The following JAK1 variants were observed in gnomAD, a reference collection of about 807,000 sequenced individuals.
JAK1 encodes Janus kinase 1, also known as tyrosine-protein kinase JAK1.
In JAK1, 16 loss-of-function variants were observed where a neutral mutation model predicts 136.6. That is an observed-to-expected ratio of 0.12 (90% confidence interval 0.08 to 0.18). JAK1 has a LOEUF of 0.18. JAK1 is among the 10% of genes least tolerant of loss of function. The pLI is 1.00. For missense variants in JAK1, 859 were observed against 1,450.1 expected (o/e 0.59, Z 6.62); for synonymous variants, 492 against 519.5 (o/e 0.95, Z 0.72).
chr1:64,851,160 G>T (rs1655567457), intron 11 of JAK1, among the ~76,000 whole-genome samples: 2 of 152,202 alleles, frequency 1.3e-5, no homozygotes, highest in African/African-American at 2.4e-5. Flanking sequence ...TAAAGAACAG[G>T]TGTGTGGTGC....
intron 2 of JAK1, chr1:64,991,499 T>A (rs1204048935): frequency 6.6e-6 from 1 of 152,246 alleles, no homozygotes; most frequent in Non-Finnish European, 1.5e-5. Flanking sequence ...CATTTAAATC[T>A]AATTGTCTCA....
chr1:64,986,107 TTG>T, intron 2 of JAK1: 7 of 836,146 alleles, frequency 8.4e-6, no homozygotes, highest in East Asian at 3.3e-5. Flanking sequence ...CTCAATCTAA[TTG>T]TTTTTTTTTT....
chr1:65,058,606 T>C, intron 1 of JAK1: 1 of 467,740 alleles, frequency 2.1e-6, no homozygotes, highest in Non-Finnish European at 4.3e-6. Context: ...AAGATCACCT[T>C]CTGGTTGGAG....
In JAK1 at chr1:64,982,112, A is replaced by G. The variant is rs552239805; in HGVS notation, c.-78+62368T>C. The stretch of plus-strand genomic sequence containing the variant: ...CACACACACACACACGCACACACAC[A>G]CGCACACACACGCACACACACACAC... On this transcript the variant is annotated intron_variant, in intron 2 of 25. Coordinates refer to the JAK1 transcript ENST00000671954. Among the ~76,000 whole-genome samples, 22 of 147,376 alleles carry G rather than the reference A, an allele frequency of 1.5e-4. No individual in the cohort carries two copies. The South Asian group carries it at 4.8e-3, about 32-fold the overall frequency.
At chr1:65,000,698 T>C (rs1646747509) in intron 2 of JAK1, among the ~76,000 whole-genome samples, 2 of 152,124 alleles carry the variant, frequency 1.3e-5, no homozygotes, top group African/African-American at 4.8e-5. Flanking sequence ...TGACAAAGCA[T>C]TGTGTTCGAT....
intron 8 of JAK1, among the ~76,000 whole-genome samples, chr1:64,860,981 T>TGTGTA (rs1656294523): frequency 7.6e-6 from 1 of 131,014 alleles, no homozygotes; most frequent in Non-Finnish European, 1.6e-5. Context: ...TGTGTGTGTG[T>TGTGTA]TGGGGGTGAC....
At chr1:64,949,609 A>T (rs1442061054) in intron 1 of JAK1, among the ~76,000 whole-genome samples, 1 of 152,226 alleles carries the variant, frequency 6.6e-6, no homozygotes, top group Non-Finnish European at 1.5e-5. Context: ...CCTTTATGAT[A>T]AGGAATTATA....
chr1:65,028,244 C>T (rs1646994444), intron 2 of JAK1, among the ~76,000 whole-genome samples: 1 of 152,068 alleles, frequency 6.6e-6, no homozygotes, highest in Non-Finnish European at 1.5e-5. Context: ...AAATAGCAAT[C>T]CCCTCACAAT....
At chr1:64,936,824 C>T (rs964042150) in intron 1 of JAK1, among the ~76,000 whole-genome samples, 8 of 152,058 alleles carry the variant, frequency 5.3e-5, no homozygotes, top group African/African-American at 1.9e-4. Flanking sequence ...ACATGGTATC[C>T]CACGTTGGTG....
intron 19 of JAK1, among the ~76,000 whole-genome samples, 161 bp downstream of exon 19, chr1:64,841,084 C>A (rs1040732889): frequency 8.5e-5 from 13 of 152,260 alleles, no homozygotes; most frequent in African/African-American, 2.9e-4. Context: ...AAGACACAAT[C>A]CCTTGTGATG....
intron 2 of JAK1, chr1:64,985,296 C>T (rs1015670103): frequency 7.0e-5 from 112 of 1,609,836 alleles, no homozygotes; most frequent in Non-Finnish European, 8.9e-5. Context: ...GATGGGCTGT[C>T]GGTAGCTGGA....
rs747839270 is a variant in JAK1 at position 64,855,628 on chromosome 1, T to C, written c.1529A>G (p.His510Arg). ...IEVQKGRYSL[H>R]GSDRSFPSLG... ...GCTGGGGAAGCTGCGGTCCGAACCG[T>C]GCAGACTGTAGCGGCCCTTCTGCAC... The change falls in exon 11 of 25, where the codon CAC (histidine) becomes CGC (arginine). Residue 510 changes from histidine to arginine, a missense_variant. Around this residue, in one of 4 missense-constraint regions of JAK1, gnomAD observed 409 missense variants for 753.8 expected, o/e 0.54. Coordinates refer to ENST00000342505, the MANE Select transcript of JAK1 (RefSeq NM_002227.4). 8 of 1,614,064 alleles carry C rather than the reference T, an allele frequency of 5.0e-6. No homozygotes were observed. The highest frequency in any genetic ancestry group is 6.8e-6 in the Non-Finnish European group (8 of 1,180,032).
intron 2 of JAK1, among the ~76,000 whole-genome samples, chr1:65,036,033 A>G (rs565393539): frequency 5.3e-5 from 8 of 152,042 alleles, no homozygotes; most frequent in Non-Finnish European, 8.8e-5. Context: ...GTGCCACTGT[A>G]CTCCAGCCTG....
At chr1:64,883,573 T>C (rs1644808848) in intron 2 of JAK1, 98 bp from the exon 3 acceptor site, 2 of 1,027,290 alleles carry the variant, frequency 1.9e-6, no homozygotes, top group Non-Finnish European at 2.9e-6. Flanking sequence ...CAGAAACATT[T>C]GGTGTTGGTA....
chr1:65,030,457 C>G (rs1221111171), intron 2 of JAK1, among the ~76,000 whole-genome samples: 1 of 152,042 alleles, frequency 6.6e-6, no homozygotes, highest in South Asian at 2.1e-4. Context: ...ATTTGAAAAT[C>G]ATCAGTGAAT....
At chr1:64,955,285 C>T (rs568039246) in intron 1 of JAK1, among the ~76,000 whole-genome samples, 4 of 152,232 alleles carry the variant, frequency 2.6e-5, no homozygotes, top group East Asian at 1.9e-4. Context: ...CAGAACACGA[C>T]GTACTGGAAC....
chr1:65,058,152 C>A (rs921221290), intron 1 of JAK1, among the ~76,000 whole-genome samples: 2 of 152,074 alleles, frequency 1.3e-5, no homozygotes, highest in Admixed American at 1.3e-4. Flanking sequence ...CTCTGAATAC[C>A]ATTCCAGAAA....
chr1:65,009,732 T>C (rs576854046), intron 2 of JAK1, among the ~76,000 whole-genome samples: 2 of 152,316 alleles, frequency 1.3e-5, no homozygotes, highest in African/African-American at 4.8e-5. Context: ...AATACTGTTA[T>C]TCTCCCATCT....
chr1:64,844,733 G>A lies in JAK1; in HGVS notation c.2251+21C>T, dbSNP rs781243846. 2 of 1,613,906 alleles carry A rather than the reference G, an allele frequency of 1.2e-6. No homozygotes were observed. The highest frequency in any genetic ancestry group is 1.7e-6 in the Non-Finnish European group (2 of 1,180,008). On this transcript the variant is annotated intron_variant, in intron 16 of 24. Transcript: ENST00000342505. The surrounding 1 kb of genome is among the most constrained non-coding windows in gnomAD (Gnocchi z 5.7). ...GCCCCTGACTCGGGGTGGGGCCAGA[G>A]GGAAGAGAGGGGAGACACACCTTGC... is the stretch of plus-strand genomic sequence containing the variant.
Sources: gnomAD v4.1 joint callset for allele counts (sites outside exome capture counted in the v4.1 genomes callset) on GRCh38, gnomAD v4.1.1 for gene constraint, gnomAD v4.1.1 regional missense constraint, Gnocchi (gnomAD v3.1) non-coding constraint, MANE v1.5 for transcripts, NCBI Gene and HGNC (gene_info 2026-07-23, HGNC 2026-07-21) for gene names.